The following CYYR1 variants were observed in gnomAD, a reference collection of about 807,000 sequenced individuals.
CYYR1 encodes the protein cysteine and tyrosine-rich protein 1.
CYYR1 carries 14 observed loss-of-function variants against 15.2 expected under a neutral mutation model. The observed-to-expected ratio is 0.92, with a 90% CI of 0.61 to 1.44. The LOEUF (loss-of-function observed/expected upper bound fraction) is 1.44, where lower values mean the gene tolerates loss of function less well. Among genes scored for constraint, CYYR1 ranks in the 40% most tolerant of loss-of-function variants. CYYR1 has a pLI of 0.00. For synonymous variants in CYYR1, 80 were observed against 77.4 expected, an observed-to-expected ratio of 1.03 and a Z score of -0.18; for missense variants, 228 against 209.5, an observed-to-expected ratio of 1.09 and a Z score of -0.54.
intron 2 of CYYR1, among the ~76,000 whole-genome samples, chr21:26,482,804 G>A (rs958358048): frequency 7.9e-5 from 12 of 152,062 alleles, no homozygotes; most frequent in African/African-American, 2.4e-4. Context: ...TCCTTTGTGT[G>A]ATACCGTTTT....
At chr21:26,557,307 A>T (rs916704266) in intron 2 of CYYR1, among the ~76,000 whole-genome samples, 6 of 152,192 alleles carry the variant, frequency 3.9e-5, no homozygotes, top group Non-Finnish European at 5.9e-5. Flanking sequence ...TCCTAAACCT[A>T]GATTATATGA....
chr21:26,476,588 C>T (rs1156850351), intron 3 of CYYR1, among the ~76,000 whole-genome samples: 1 of 105,802 alleles, frequency 9.5e-6, no homozygotes, highest in East Asian at 2.3e-4. Flanking sequence ...TATCTATCAT[C>T]TATCTATCTA....
chr21:26,490,661 T>C (rs2065315708), intron 2 of CYYR1, among the ~76,000 whole-genome samples: 2 of 152,210 alleles, frequency 1.3e-5, no homozygotes, highest in African/African-American at 2.4e-5. Context: ...TCACGTGTTT[T>C]GAAGGTAAGA....
At chr21:26,571,777 G>A (rs911452946) in intron 1 of CYYR1, among the ~76,000 whole-genome samples, 2 of 152,036 alleles carry the variant, frequency 1.3e-5, no homozygotes, top group South Asian at 2.1e-4. Context: ...CATTAAATAC[G>A]AAGAACTTAT....
chr21:26,487,443 A>G (rs970520688), intron 2 of CYYR1, among the ~76,000 whole-genome samples: 1 of 152,118 alleles, frequency 6.6e-6, no homozygotes, highest in Non-Finnish European at 1.5e-5. Context: ...GACTACATAC[A>G]TGAGAATAAA....
In CYYR1 at chr21:26,507,875, A is replaced by G. The variant is rs113023773; in HGVS notation, c.177-27446T>C. Among the ~76,000 whole-genome samples the G allele has an allele frequency of 1.7e-3, 263 of 151,562 alleles. 2 individuals carry two copies. Among genetic ancestry groups the G allele is most frequent in the African/African-American group, 6.2e-3 (253 of 40,878 alleles). The stretch of plus-strand genomic sequence containing the variant: ...TGGTAATACTGGGCATTGGAGCCAG[A>G]ATGGTATTTAGAGGTATTAATTCAT... On this transcript the variant is annotated intron_variant, in intron 2 of 3. Transcript: ENST00000652641.
intron 2 of CYYR1, among the ~76,000 whole-genome samples, chr21:26,560,798 A>G (rs755436486): frequency 1.3e-5 from 2 of 152,118 alleles, no homozygotes; most frequent in African/African-American, 2.4e-5. Flanking sequence ...TGATGTGTCT[A>G]TGCTCCTCAG....
intron 3 of CYYR1, among the ~76,000 whole-genome samples, chr21:26,470,097 C>T (rs1408353988): frequency 6.6e-6 from 1 of 152,058 alleles, no homozygotes; most frequent in African/African-American, 2.4e-5. Context: ...CATAATAATG[C>T]AAATAAGTGG....
rs1488605233 is a variant in CYYR1 at position 26,573,095 on chromosome 21, G to T, written c.-155C>A. On this transcript the variant is annotated 5_prime_UTR_variant, in exon 1 of 4. Coordinates refer to ENST00000652641, the MANE Select transcript of CYYR1 (RefSeq NM_001320768.2). ...CCTAGGGAGCCTTCCAAGGGAGCCC[G>T]GGCCGGGCGCGTCCCGGGCCAGCGA... 1.3e-6 allele frequency: 2 copies of T among 1,525,688 alleles called. No homozygotes were observed. Among genetic ancestry groups the T allele is most frequent in the Admixed American group, 2.0e-5 (1 of 49,202 alleles). 94.5% of individuals were successfully genotyped at this position (1,525,688 alleles called of 1,614,324 possible).
chr21:26,553,183 A>G (rs1303984809), intron 2 of CYYR1, among the ~76,000 whole-genome samples: 1 of 152,126 alleles, frequency 6.6e-6, no homozygotes, highest in Non-Finnish European at 1.5e-5. Context: ...CCTGGCCTCT[A>G]AGGTTTCTGA....
chr21:26,557,608 T>C (rs974043830), intron 2 of CYYR1, among the ~76,000 whole-genome samples: 2 of 152,110 alleles, frequency 1.3e-5, no homozygotes, highest in African/African-American at 4.8e-5. Context: ...GAAATCTCAG[T>C]GTATTCCTGA....
At chr21:26,558,663 C>T (rs1238071112) in intron 2 of CYYR1, among the ~76,000 whole-genome samples, 1 of 152,156 alleles carries the variant, frequency 6.6e-6, no homozygotes, top group African/African-American at 2.4e-5. Flanking sequence ...GATATTTACA[C>T]ATTCATGACA....
chr21:26,522,942 G>A (rs965186480), intron 2 of CYYR1, among the ~76,000 whole-genome samples: 1 of 152,214 alleles, frequency 6.6e-6, no homozygotes, highest in African/African-American at 2.4e-5. Flanking sequence ...CCCAGGCTCT[G>A]AGGAAGGCTT....
chr21:26,536,323 C>T (rs1204578186), intron 2 of CYYR1, among the ~76,000 whole-genome samples: 1 of 152,176 alleles, frequency 6.6e-6, no homozygotes, highest in East Asian at 1.9e-4. Flanking sequence ...GAAAGCTACA[C>T]AGGCATTAAG....
At chr21:26,505,779 G>A (rs991411113) in intron 2 of CYYR1, among the ~76,000 whole-genome samples, 2 of 151,424 alleles carry the variant, frequency 1.3e-5, no homozygotes, top group African/African-American at 4.9e-5. Flanking sequence ...AGGACATTTT[G>A]GAGAAACTAG....
At chr21:26,470,047 T>C (rs2065015628) in intron 3 of CYYR1, among the ~76,000 whole-genome samples, 1 of 152,104 alleles carries the variant, frequency 6.6e-6, no homozygotes, top group Non-Finnish European at 1.5e-5. Flanking sequence ...CATGCCTTAA[T>C]TGCCTACTGT....
At chr21:26,538,988 AATG>A (rs1219172114) in intron 2 of CYYR1, among the ~76,000 whole-genome samples, 1 of 152,152 alleles carries the variant, frequency 6.6e-6, no homozygotes, top group Non-Finnish European at 1.5e-5. Flanking sequence ...ATTTTGAAAC[AATG>A]ATGAGTGAAA....
At chr21:26,568,668 A>G (rs1426665325) in intron 1 of CYYR1, 1 of 152,214 alleles carries the variant, frequency 6.6e-6, no homozygotes, top group Non-Finnish European at 1.5e-5. Context: ...CAGAGTAAAC[A>G]ATCTACAGAA....
intron 2 of CYYR1, among the ~76,000 whole-genome samples, chr21:26,545,906 TA>T (rs1978942685): frequency 6.6e-6 from 1 of 152,148 alleles, no homozygotes; most frequent in African/African-American, 2.4e-5. Context: ...CACTTCTCAA[TA>T]ATTGAGAGAT....
Sources: allele counts gnomAD v4.1 joint callset (sites outside exome capture counted in the v4.1 genomes callset), GRCh38; gene constraint gnomAD v4.1.1; transcripts MANE v1.5; gene names NCBI Gene and HGNC (gene_info 2026-07-23, HGNC 2026-07-21).